The following WSCD2 variants were observed in gnomAD, a reference collection of about 807,000 sequenced individuals.
WSCD2 encodes sialate:O-sulfotransferase 2.
A neutral mutation model predicts 55.7 loss-of-function variants in WSCD2; 28 were observed. That is an observed-to-expected ratio of 0.50 (90% confidence interval 0.37 to 0.69). WSCD2 has a LOEUF of 0.69. Ranked by LOEUF, WSCD2 falls within the 30% of genes least tolerant of loss-of-function variation. The pLI, the probability that WSCD2 is intolerant of heterozygous loss-of-function variation, is 0.00. For missense variants in WSCD2, 616 were observed against 762.1 expected, an observed-to-expected ratio of 0.81 and a Z score of 2.26; for synonymous variants, 301 against 301.9, an observed-to-expected ratio of 1.00 and a Z score of 0.03.
intron 1 of WSCD2, among the ~76,000 whole-genome samples, chr12:108,182,450 A>C (rs1881904233): frequency 6.6e-6 from 1 of 152,140 alleles, no homozygotes; most frequent in African/African-American, 2.4e-5. Context: ...TAAACCAAAA[A>C]CTATCTGAGA....
chr12:108,221,765 A>G (rs1887549426), intron 4 of WSCD2, among the ~76,000 whole-genome samples: 1 of 152,206 alleles, frequency 6.6e-6, no homozygotes, highest in South Asian at 2.1e-4. Flanking sequence ...TTCTCAGGGT[A>G]GTAGGCATGA....
Position 108,236,582 on chromosome 12 carries a change from T to TTC in WSCD2, c.1144+3703_1144+3704dup, listed in dbSNP as rs10538375. ...TGGCGCTCTTTCTCTCTCTCTCTCA[T>TTC]TCTCTCTCTCTCTCTCTAATTGTCC... On this transcript the variant is annotated intron_variant, in intron 7 of 8. Transcript: ENST00000547525. 9.4e-5 allele frequency among the ~76,000 whole-genome samples: 14 copies of TTC among 149,068 alleles called. No homozygotes were observed. The South Asian group carries it at 1.3e-3, about 14-fold the overall frequency.
Position 108,129,894 on chromosome 12 carries a change from T to G in WSCD2, c.-584T>G, listed in dbSNP as rs1875304934. The G allele has an allele frequency of 6.6e-6, 1 of 152,282 alleles. No individual in the cohort carries two copies. The highest frequency in any genetic ancestry group is 6.5e-5 in the Admixed American group (1 of 15,288). 9.4% of individuals were successfully genotyped at this position (152,282 alleles called of 1,614,324 possible). ...ACCCCGGGCGCCTGCTGAGCTCAGC[T>G]GGCAGAGTTTGCAAGTGGCGGAGAC... On this transcript the variant is annotated 5_prime_UTR_variant, in exon 1 of 9. Coordinates refer to ENST00000547525, the MANE Select transcript of WSCD2 (RefSeq NM_014653.4).
chr12:108,221,590 C>T (rs1379852128), intron 4 of WSCD2, among the ~76,000 whole-genome samples: 1 of 152,128 alleles, frequency 6.6e-6, no homozygotes, highest in African/African-American at 2.4e-5. Flanking sequence ...GAAGACTGTC[C>T]AGTGTTTCTT....
chr12:108,205,716 C>T (rs2137082623), intron 2 of WSCD2, among the ~76,000 whole-genome samples: 1 of 152,258 alleles, frequency 6.6e-6, no homozygotes, highest in East Asian at 1.9e-4. Flanking sequence ...GAAACTTTTA[C>T]ATAAATCATT....
chr12:108,156,131 C>T (rs550802380), intron 1 of WSCD2, among the ~76,000 whole-genome samples: 14 of 152,232 alleles, frequency 9.2e-5, no homozygotes, highest in African/African-American at 3.1e-4. Context: ...TTTGGCTTTG[C>T]GTTGTGTGAA....
At chr12:108,180,922 G>A (rs367653908) in intron 1 of WSCD2, among the ~76,000 whole-genome samples, 1 of 152,236 alleles carries the variant, frequency 6.6e-6, no homozygotes, top group African/African-American at 2.4e-5. Context: ...TGTGAAAATG[G>A]ACCTGCAACC....
At chr12:108,163,712 A>G (rs111960624) in intron 1 of WSCD2, among the ~76,000 whole-genome samples, 1,953 of 152,320 alleles carry the variant, frequency 0.013, 34 homozygotes, top group African/African-American at 0.044. Flanking sequence ...GGGAGGGGCC[A>G]GGAGCCAAGG....
chr12:108,236,576 C>CTT (rs1453197594), intron 7 of WSCD2, among the ~76,000 whole-genome samples: 2 of 146,012 alleles, frequency 1.4e-5, no homozygotes, highest in Non-Finnish European at 3.0e-5. Context: ...TTCTCTCTCT[C>CTT]TCTCATTCTC....
chr12:108,205,792 T>C (rs1252052112), intron 2 of WSCD2, among the ~76,000 whole-genome samples: 1 of 152,196 alleles, frequency 6.6e-6, no homozygotes, highest in Non-Finnish European at 1.5e-5. Context: ...ATCTGAAAGG[T>C]TAACTGGCTT....
Position 108,176,140 on chromosome 12 carries a change from ATTG to A in WSCD2, c.-551-19139_-551-19137del, listed in dbSNP as rs375404760. 7.5e-4 allele frequency among the ~76,000 whole-genome samples: 114 copies of A among 152,264 alleles called. 3 individuals are homozygous for A. The South Asian group carries it at 0.019, about 25-fold the overall frequency. On this transcript the variant is annotated intron_variant, in intron 1 of 8. Transcript: ENST00000547525. ...AGGCGCGAGCCACCACGCCCGGCCT[ATTG>A]TTATATTTTCTTTAATGTTTTGTAT...
intron 5 of WSCD2, among the ~76,000 whole-genome samples, chr12:108,226,318 A>T (rs1354537822): frequency 6.6e-6 from 1 of 152,090 alleles, no homozygotes; most frequent in Non-Finnish European, 1.5e-5. Flanking sequence ...AGAACAAATA[A>T]AGCAATCAGA....
intron 8 of WSCD2, among the ~76,000 whole-genome samples, chr12:108,245,870 T>C (rs868409001): frequency 6.6e-6 from 1 of 152,248 alleles, no homozygotes; most frequent in Non-Finnish European, 1.5e-5. Context: ...AATATCCTTG[T>C]CAGCAGCATA....
chr12:108,183,822 G>C (rs996114777), intron 1 of WSCD2, among the ~76,000 whole-genome samples: 1 of 152,142 alleles, frequency 6.6e-6, no homozygotes, highest in African/African-American at 2.4e-5. Flanking sequence ...GTTGAGTCTT[G>C]TTCTGCCACT....
intron 1 of WSCD2, among the ~76,000 whole-genome samples, chr12:108,140,486 C>T (rs903034721): frequency 6.6e-6 from 1 of 152,180 alleles, no homozygotes; most frequent in Admixed American, 6.5e-5. Flanking sequence ...CCTGGCATAG[C>T]TTTTACGGCA....
intron 4 of WSCD2, among the ~76,000 whole-genome samples, chr12:108,215,210 C>T (rs971387254): frequency 2.6e-5 from 4 of 152,146 alleles, no homozygotes; most frequent in Admixed American, 2.6e-4. Context: ...TGCTCTTCTC[C>T]CCTAAGCAAA....
Position 108,240,424 on chromosome 12 carries a change from G to A in WSCD2, c.1225G>A (p.Glu409Lys). Reference sequence around the variant, plus strand: ...GCACGAAAGCGGCCAGAAAGAGATCGAGGCCTTCGACGCCGCCATCCTGCT... The same window carrying A: ...GCACGAAAGCGGCCAGAAAGAGATCAAGGCCTTCGACGCCGCCATCCTGCT... The part of the protein sequence containing the change: ...KTHESGQKEI[E>K]AFDAAILLIR... The change falls in exon 8 of 9, where the codon GAG becomes AAG. Residue 409 changes from glutamate to lysine, a missense_variant. This residue lies in a region of WSCD2 where 234 missense variants were observed against 264.6 expected (regional missense o/e 0.88). Transcript: ENST00000547525. 3.7e-6 allele frequency: 6 copies of A among 1,614,134 alleles called. No individual in the cohort carries two copies. The highest frequency in any genetic ancestry group is 5.1e-6 in the Non-Finnish European group (6 of 1,180,032).
intron 1 of WSCD2, chr12:108,131,630 G>C (rs960184958): frequency 6.6e-6 from 1 of 152,308 alleles, no homozygotes; most frequent in Non-Finnish European, 1.5e-5. Flanking sequence ...CATCTATCTG[G>C]GTGCTGTTTT....
intron 1 of WSCD2, among the ~76,000 whole-genome samples, chr12:108,138,436 T>A (rs1246762698): frequency 6.6e-6 from 1 of 152,234 alleles, no homozygotes; most frequent in Non-Finnish European, 1.5e-5. Flanking sequence ...CGGTAGCTTA[T>A]AGGCTGTGTA....
Sources: allele counts gnomAD v4.1 joint callset (sites outside exome capture counted in the v4.1 genomes callset), GRCh38; gene constraint gnomAD v4.1.1; regional missense constraint gnomAD v4.1.1; transcripts MANE v1.5; gene names NCBI Gene and HGNC (gene_info 2026-07-23, HGNC 2026-07-21).